Variants in AARS2 observed in about 807,000 individuals in gnomAD.
AARS2 encodes alanyl-tRNA synthetase 2, mitochondrial.
A neutral mutation model predicts 119.7 loss-of-function variants in AARS2; 78 were observed. That is an observed-to-expected ratio of 0.65 (90% CI 0.54 to 0.79). AARS2 has a LOEUF of 0.79. Ranked by LOEUF, AARS2 falls within the 30% of genes least tolerant of loss-of-function variation. The probability of loss-of-function intolerance (pLI) is 0.00; values close to 1 mark genes in which losing one functional copy is unlikely to be tolerated. For synonymous variants in AARS2, 502 were observed against 526.3 expected, an observed-to-expected ratio of 0.95 and a Z score of 0.63; for missense variants, 1,157 against 1,291.3, an observed-to-expected ratio of 0.90 and a Z score of 1.59.
Position 44,312,139 on chromosome 6 carries a change from C to G in AARS2, c.368G>C (p.Arg123Pro). Residue 123 changes from arginine to proline, a missense_variant, in exon 2 of 22, where the codon CGA becomes CCA. Transcript: ENST00000244571. Reference protein sequence around the residue: ...GHHNDLEDVGRDLSHHTFFEM... With the variant: ...GHHNDLEDVGPDLSHHTFFEM... ...AAAGAAGGTATGATGGGAAAGGTCTCGACCCACATCTTCCAGGTCGTTATG... is the reference window on the plus strand; with the variant it reads ...AAAGAAGGTATGATGGGAAAGGTCTGGACCCACATCTTCCAGGTCGTTATG... The G allele has an allele frequency of 6.2e-6, 10 of 1,614,260 alleles. No individual in the cohort carries two copies. Among genetic ancestry groups the G allele is most frequent in the Non-Finnish European group, 8.5e-6 (10 of 1,180,054 alleles).
intron 14 of AARS2, 150 bp downstream of exon 14, chr6:44,304,031 G>C (rs1785601384): frequency 8.6e-7 from 1 of 1,161,654 alleles, no homozygotes; most frequent in Non-Finnish European, 1.2e-6. Flanking sequence ...AGGAGCCCAA[G>C]GGGAAAGGAC....
intron 1 of AARS2, 124 bp from the exon 2 acceptor site, chr6:44,312,387 G>T (rs1209512891): frequency 2.0e-6 from 2 of 982,124 alleles, no homozygotes; most frequent in African/African-American, 3.3e-5. Flanking sequence ...TGAGAGTGCA[G>T]TGTAATCTTG....
At chr6:44,302,567 C>T in intron 17 of AARS2, 54 bp from the exon 18 acceptor site, 1 of 1,611,242 alleles carries the variant, frequency 6.2e-7, no homozygotes, top group Non-Finnish European at 8.5e-7. Flanking sequence ...CAGGACAAGG[C>T]CTCTCAACTC....
At chr6:44,306,826 C>T in intron 7 of AARS2, 97 bp downstream of exon 7, 1 of 1,191,656 alleles carries the variant, frequency 8.4e-7, no homozygotes, top group Non-Finnish European at 1.3e-6. Context: ...GGGTGGGGAC[C>T]TCTGGGCACC....
chr6:44,301,488 G>T lies in AARS2; in HGVS notation c.2599-24C>A, dbSNP rs1211420426. The stretch of plus-strand genomic sequence containing the variant: ...GCCTATGGGGCAGGAAGGACAAGCA[G>T]AGGGGTCAGGCTGAGAGGCAGGTTT... On this transcript the variant is annotated intron_variant, in intron 19 of 21. Transcript: ENST00000244571. 3 of 1,601,060 alleles carry T rather than the reference G, an allele frequency of 1.9e-6. No individual in the cohort carries two copies. In the South Asian group the frequency reaches 3.3e-5, roughly 18 times the overall value.
chr6:44,307,587 G>A lies in AARS2; in HGVS notation c.895-193C>T. On this transcript the variant is annotated intron_variant, in intron 5 of 21. Transcript: ENST00000244571. This position sits in a 1 kb window ranked among gnomAD's most constrained non-coding sequence, Gnocchi z 4.4. ...CCTGCCCTCACGGGGCTCATATTTG[G>A]TGCTACAAGTGAACATATCTGTGAC... The A allele has an allele frequency of 1.5e-6, 1 of 663,550 alleles. No homozygotes were observed. Among genetic ancestry groups the A allele is most frequent in the South Asian group, 1.9e-5 (1 of 52,866 alleles). 41.1% of individuals were successfully genotyped at this position (663,550 alleles called of 1,614,324 possible).
At chr6:44,309,439 G>T (rs1267983570) in intron 5 of AARS2, among the ~76,000 whole-genome samples, 1 of 152,212 alleles carries the variant, frequency 6.6e-6, no homozygotes, top group Non-Finnish European at 1.5e-5. Context: ...GAGCATTAGG[G>T]TGGTTATACA....
intron 21 of AARS2, 168 bp from the exon 22 acceptor site, chr6:44,300,879 G>T (rs902166058): frequency 2.3e-6 from 2 of 857,998 alleles, no homozygotes; most frequent in African/African-American, 1.7e-5. Context: ...CTGGAAATGT[G>T]TGTGGGGAGG....
Position 44,307,302 on chromosome 6 carries a change from G to A in AARS2, c.987C>T (p.Arg329=), listed in dbSNP as rs1785943035. The part of the protein sequence containing the change: ...TAYRVVADHI[R]TLSVCISDGI... The stretch of plus-strand genomic sequence containing the variant: ...CATCAGAGATGCAGACACTGAGTGT[G>A]CGGATGTGGTCAGCCACCACGCGGT... Residue 329 remains arginine, a synonymous_variant, in exon 6 of 22, where the codon CGC becomes CGT. Coordinates refer to ENST00000244571, the MANE Select transcript of AARS2 (RefSeq NM_020745.4). This position sits in a 1 kb window ranked among gnomAD's most constrained non-coding sequence, Gnocchi z 4.4. 1 of 1,613,830 alleles carries A rather than the reference G, an allele frequency of 6.2e-7. No individual in the cohort carries two copies. The highest frequency in any genetic ancestry group is 1.1e-5 in the South Asian group (1 of 91,056).
In AARS2 at chr6:44,306,388, C is replaced by T. The variant is rs202171981; in HGVS notation, c.1192G>A (p.Ala398Thr). 201 of 1,613,968 alleles carry T rather than the reference C, an allele frequency of 1.2e-4. No individual in the cohort carries two copies. Among genetic ancestry groups the T allele is most frequent in the Non-Finnish European group, 1.2e-4 (139 of 1,180,030 alleles). The change falls in exon 9 of 22, where the codon GCC becomes ACC. Residue 398 changes from alanine (A) to threonine (T), a missense_variant. Transcript: ENST00000244571. ...GCCTCGTCCTCTGACACCAGGTTGG[C>T]GATCTGAACCAGGCAGAGAAGAAGT... The part of the protein sequence containing the change: ...PELQRNSAQI[A>T]NLVSEDEAAF...
chr6:44,301,498 G>T (rs761086047), intron 19 of AARS2, 34 bp from the exon 20 acceptor site: 1 of 1,586,570 alleles, frequency 6.3e-7, no homozygotes, highest in South Asian at 1.1e-5. Flanking sequence ...GAGGGGTCAG[G>T]CTGAGAGGCA....
intron 1 of AARS2, 72 bp from the exon 2 acceptor site, chr6:44,312,335 AG>A: frequency 6.7e-7 from 1 of 1,495,628 alleles, no homozygotes; most frequent in Non-Finnish European, 9.2e-7. Flanking sequence ...GTGGGGAGTG[AG>A]GATAGGGATG....
intron 9 of AARS2, 34 bp downstream of exon 9, chr6:44,306,246 A>T: frequency 6.2e-7 from 1 of 1,603,960 alleles, no homozygotes; most frequent in Non-Finnish European, 8.5e-7. Context: ...AGTCTCAGCG[A>T]GCCCCTTGTG....
Position 44,303,100 on chromosome 6 carries a change from C to T in AARS2, c.2221G>A (p.Ala741Thr), listed in dbSNP as rs536579476. 3.8e-5 allele frequency: 62 copies of T among 1,614,098 alleles called. No individual in the cohort carries two copies. Among genetic ancestry groups the T allele is most frequent in the East Asian group, 2.9e-4 (13 of 44,884 alleles). Residue 741 changes from alanine (A) to threonine (T), a missense_variant, in exon 16 of 22, where the codon GCA (alanine) becomes ACA (threonine). Physicochemically the swap from Ala to Thr is moderately conservative, Grantham distance 58. Transcript: ENST00000244571. ...AHALDPASQA[A>T]LQTSVELCCG... ...CATAGCTCCACAGAGGTCTGCAGTGCGGCTTGGGAGGCTGGGTCCAATGCA... is the reference window on the plus strand; with the variant it reads ...CATAGCTCCACAGAGGTCTGCAGTGTGGCTTGGGAGGCTGGGTCCAATGCA...
Position 44,301,138 on chromosome 6 carries a change from C to T in AARS2, c.2793+18G>A. 1 of 1,591,918 alleles carries T rather than the reference C, an allele frequency of 6.3e-7. No individual in the cohort carries two copies. The highest frequency in any genetic ancestry group is 8.6e-7 in the Non-Finnish European group (1 of 1,161,230). On this transcript the variant is annotated intron_variant, in intron 21 of 21. Coordinates refer to ENST00000244571, the MANE Select transcript of AARS2 (RefSeq NM_020745.4). ...GGGTATTAATGGGGGCGGTGGGCTG[C>T]TCTCCCACTTCCCTCACCTGGGCCA...
Position 44,301,470 on chromosome 6 carries a change from G to C in AARS2, c.2599-6C>G. The C allele has an allele frequency of 6.2e-7, 1 of 1,611,692 alleles. No individual in the cohort carries two copies. The highest frequency in any genetic ancestry group is 8.5e-7 in the Non-Finnish European group (1 of 1,179,056). On this transcript the variant is annotated splice_polypyrimidine_tract_variant and splice_region_variant and intron_variant, in intron 19 of 21. Transcript: ENST00000244571. Reference sequence around the variant, plus strand: ...TCCTGAGTTTTCTTTGCAGCCTATGGGGCAGGAAGGACAAGCAGAGGGGTC... The same window carrying C: ...TCCTGAGTTTTCTTTGCAGCCTATGCGGCAGGAAGGACAAGCAGAGGGGTC...
At chr6:44,303,249 GC>G in intron 15 of AARS2, 36 bp downstream of exon 15, 1 of 1,614,054 alleles carries the variant, frequency 6.2e-7, no homozygotes, top group Non-Finnish European at 8.5e-7. Flanking sequence ...CCTGAAGGAG[GC>G]CCCCGATCTC....
chr6:44,307,504 A>G lies in AARS2; in HGVS notation c.895-110T>C, dbSNP rs917639823. ...AGCCCTAAAGCCAACCACATCCAGA[A>G]TGGCCTTGCCAGTCCAGTCCTGGGC... On this transcript the variant is annotated intron_variant, in intron 5 of 21. Coordinates refer to ENST00000244571, the MANE Select transcript of AARS2 (RefSeq NM_020745.4). The surrounding 1 kb of genome is among the most constrained non-coding windows in gnomAD (Gnocchi z 4.4). The G allele has an allele frequency of 7.0e-7, 1 of 1,420,822 alleles. No homozygotes were observed. Among genetic ancestry groups the G allele is most frequent in the South Asian group, 1.2e-5 (1 of 80,338 alleles). The allele number at this position is 1,420,822 out of a possible 1,614,324, so 88.0% of individuals were successfully genotyped here. A position where few individuals can be genotyped will look rare whatever the true frequency, so the allele number is the denominator to read the frequency against.
At chr6:44,300,794 T>C in intron 21 of AARS2, 83 bp from the exon 22 acceptor site, 1 of 1,530,394 alleles carries the variant, frequency 6.5e-7, no homozygotes, top group Non-Finnish European at 8.9e-7. Context: ...AGAGTGGAGC[T>C]GAAGGTCATC....
Sources: allele counts gnomAD v4.1 joint callset (sites outside exome capture counted in the v4.1 genomes callset), GRCh38; gene constraint gnomAD v4.1.1; non-coding constraint Gnocchi (gnomAD v3.1); transcripts MANE v1.5; gene names NCBI Gene and HGNC (gene_info 2026-07-23, HGNC 2026-07-21).